The following BICRAL variants were observed in gnomAD, a reference collection of about 807,000 sequenced individuals.
BICRAL encodes the protein BICRA like chromatin remodeling complex associated protein.
BICRAL carries 8 observed loss-of-function variants against 91.8 expected under a neutral mutation model. That is an observed-to-expected ratio of 0.09 (90% CI 0.05 to 0.16). The LOEUF (loss-of-function observed/expected upper bound fraction) is 0.16, where lower values mean the gene tolerates loss of function less well. BICRAL is among the 10% of genes least tolerant of loss of function. The pLI is 1.00. For missense variants in BICRAL, 1,038 were observed against 1,310.9 expected, an observed-to-expected ratio of 0.79 and a Z score of 3.21; for synonymous variants, 445 against 491.1, an observed-to-expected ratio of 0.91 and a Z score of 1.24.
rs114883352 is a variant in BICRAL, at chr6:42,768,036, A to T, written c.-260-13803A>T. Among the ~76,000 whole-genome samples the T allele has an allele frequency of 5.2e-3, 799 of 152,252 alleles. 8 individuals carry two copies. The highest frequency in any genetic ancestry group is 0.019 in the African/African-American group (772 of 41,542). ...GTCAGATGGTTTAGAGCAGGGAGTG[A>T]GGCATCAGATTTGTGTTTTAGAAGA... On this transcript the variant is annotated intron_variant, in intron 1 of 14. Transcript: ENST00000614467.
chr6:42,793,122 ATTTTTTTTTTTTTTTTTTTTTTTTTT>A (rs1159342197), intron 1 of BICRAL, among the ~76,000 whole-genome samples: 2 of 37,228 alleles, frequency 5.4e-5, no homozygotes, highest in Non-Finnish European at 9.8e-5. Context: ...TGCCCAGCTA[ATTTTTTTTTTTTTTTTTTTTTTTTTT>A]TTTTTTTTTT....
At chr6:42,847,672 C>T (rs980877508) in intron 6 of BICRAL, among the ~76,000 whole-genome samples, 28 of 152,140 alleles carry the variant, frequency 1.8e-4, no homozygotes, top group African/African-American at 6.5e-4. Flanking sequence ...CACCTGTAAT[C>T]CCAGCACTTT....
chr6:42,792,099 G>T (rs1446955035), intron 1 of BICRAL, among the ~76,000 whole-genome samples: 1 of 152,178 alleles, frequency 6.6e-6, no homozygotes, highest in Non-Finnish European at 1.5e-5. Context: ...AAGCTTGGAG[G>T]ACTGGAAGTT....
At chr6:42,845,416 T>C (rs1764977096) in intron 6 of BICRAL, among the ~76,000 whole-genome samples, 1 of 151,528 alleles carries the variant, frequency 6.6e-6, no homozygotes, top group African/African-American at 2.4e-5. Context: ...CACAGTGCTG[T>C]GTACACAGTG....
At chr6:42,804,555 G>A (rs189057310) in intron 1 of BICRAL, among the ~76,000 whole-genome samples, 13 of 152,288 alleles carry the variant, frequency 8.5e-5, no homozygotes, top group Admixed American at 4.6e-4. Flanking sequence ...TCAGTTGACC[G>A]CTTGGAGGTG....
intron 2 of BICRAL, among the ~76,000 whole-genome samples, chr6:42,815,185 CTTTTTT>C (rs869106375): frequency 9.9e-6 from 1 of 101,140 alleles, no homozygotes. Context: ...GTCAGAATAT[CTTTTTT>C]TTTTTTTTTT....
chr6:42,807,056 C>G (rs900904274), intron 1 of BICRAL, among the ~76,000 whole-genome samples: 9 of 152,178 alleles, frequency 5.9e-5, no homozygotes, highest in African/African-American at 2.2e-4. Context: ...GTCTTGAACT[C>G]CTGACCTCAA....
intron 2 of BICRAL, among the ~76,000 whole-genome samples, chr6:42,811,539 T>G (rs1562473494): frequency 6.6e-6 from 1 of 151,724 alleles, no homozygotes; most frequent in African/African-American, 2.4e-5. Flanking sequence ...GAGAATCACT[T>G]GAACCTGGGA....
intron 6 of BICRAL, among the ~76,000 whole-genome samples, chr6:42,832,332 A>T (rs1053932385): frequency 2.0e-5 from 3 of 150,088 alleles, no homozygotes; most frequent in African/African-American, 4.9e-5. Flanking sequence ...TGGGCAACAG[A>T]CAGAGTGAGA....
intron 6 of BICRAL, among the ~76,000 whole-genome samples, chr6:42,838,057 A>G (rs945157314): frequency 6.6e-6 from 1 of 152,212 alleles, no homozygotes; most frequent in Non-Finnish European, 1.5e-5. Context: ...ACACATTTAT[A>G]CTTTATTTAT....
chr6:42,757,749 T>A (rs528253775), intron 1 of BICRAL, among the ~76,000 whole-genome samples: 1 of 152,250 alleles, frequency 6.6e-6, no homozygotes, highest in Non-Finnish European at 1.5e-5. Context: ...TTTTACCTCA[T>A]TGAATCTTCA....
chr6:42,848,259 A>C (rs1179693721), intron 6 of BICRAL, among the ~76,000 whole-genome samples: 3 of 152,000 alleles, frequency 2.0e-5, no homozygotes, highest in Non-Finnish European at 4.4e-5. Context: ...CTCAAAAAAA[A>C]AAAAATTAGC....
intron 1 of BICRAL, among the ~76,000 whole-genome samples, chr6:42,783,940 G>GA (rs1272766760): frequency 6.6e-6 from 1 of 152,138 alleles, no homozygotes; most frequent in East Asian, 1.9e-4. Context: ...TTCAGTTATT[G>GA]AAAGTAGAGT....
chr6:42,853,292 C>T (rs556292682), intron 7 of BICRAL, among the ~76,000 whole-genome samples: 1 of 151,410 alleles, frequency 6.6e-6, no homozygotes, highest in Non-Finnish European at 1.5e-5. Flanking sequence ...TCAATTGCCT[C>T]TTTGGGCCTC....
At chr6:42,791,083 G>T (rs1763259211) in intron 1 of BICRAL, among the ~76,000 whole-genome samples, 1 of 152,088 alleles carries the variant, frequency 6.6e-6, no homozygotes. Flanking sequence ...CTCAGGGGCT[G>T]TCAGAATGCT....
At chr6:42,784,990 T>G (rs1763060354) in intron 1 of BICRAL, among the ~76,000 whole-genome samples, 2 of 152,164 alleles carry the variant, frequency 1.3e-5, no homozygotes, top group South Asian at 2.1e-4. Context: ...TTCTGCTCTT[T>G]TTTGAATTGG....
At chr6:42,853,044 GACA>G (rs1241187580) in intron 7 of BICRAL, among the ~76,000 whole-genome samples, 3 of 137,106 alleles carry the variant, frequency 2.2e-5, no homozygotes, top group Admixed American at 7.9e-5. Context: ...CAGCCTGGGC[GACA>G]GAACAAGACC....
chr6:42,794,017 G>A (rs1256084617), intron 1 of BICRAL, among the ~76,000 whole-genome samples: 1 of 149,982 alleles, frequency 6.7e-6, no homozygotes, highest in Non-Finnish European at 1.5e-5. Flanking sequence ...TTTTTAAAAT[G>A]TAAAACTATG....
intron 1 of BICRAL, among the ~76,000 whole-genome samples, chr6:42,787,886 CTTTTTTTTTTTTTTAATT>C (rs1403778018): frequency 7.2e-6 from 1 of 138,372 alleles, no homozygotes; most frequent in Non-Finnish European, 1.6e-5. Context: ...AAGAAGAGGG[CTTTTTTTTTTTTTTAATT>C]TTTTTTTAAG....
Sources: allele counts gnomAD v4.1 joint callset (sites outside exome capture counted in the v4.1 genomes callset), GRCh38; gene constraint gnomAD v4.1.1; transcripts MANE v1.5; gene names NCBI Gene and HGNC (gene_info 2026-07-23, HGNC 2026-07-21).